Variants in IFT43 observed in about 807,000 individuals in gnomAD.
IFT43 encodes intraflagellar transport 43.
A neutral mutation model predicts 32.3 loss-of-function variants in IFT43; 33 were observed. That is an observed-to-expected ratio of 1.02 (90% CI 0.77 to 1.37). IFT43 has a LOEUF of 1.37. Ranked by LOEUF, IFT43 falls within the 40% of genes most tolerant of loss-of-function variation. IFT43 has a pLI of 0.00. For missense variants in IFT43, 274 were observed against 265.9 expected (o/e 1.03, Z -0.21); for synonymous variants, 93 against 98.2 (o/e 0.95, Z 0.31).
Position 76,059,383 on chromosome 14 carries a change from C to T in IFT43, c.295+10C>T, listed in dbSNP as rs1020479171. On this transcript the variant is annotated intron_variant, in intron 5 of 8. Coordinates refer to ENST00000314067, the MANE Select transcript of IFT43 (RefSeq NM_001102564.3). The stretch of plus-strand genomic sequence containing the variant: ...TCAGATTATGGAGGAGGTAAGAGGC[C>T]CTTGGAGGAAGTCAAAAGGTCTTCT... 1 of 1,613,340 alleles carries T rather than the reference C, an allele frequency of 6.2e-7. No homozygotes were observed. The highest frequency in any genetic ancestry group is 8.5e-7 in the Non-Finnish European group (1 of 1,179,648).
rs903650110 is a variant in IFT43 at position 76,059,298 on chromosome 14, G to T, written c.249-29G>T. The T allele has an allele frequency of 4.3e-6, 7 of 1,613,690 alleles. No homozygotes were observed. In the Admixed American group the frequency reaches 6.7e-5, roughly 15 times the overall value. On this transcript the variant is annotated intron_variant, in intron 4 of 8. Transcript: ENST00000314067. ...TTTCCGTGTTTGAAACTCATTTTTT[G>T]CTGTCCTTTTCTTCTTTTTTGGGGG...
chr14:76,022,526 A>T, intron 3 of IFT43, 132 bp downstream of exon 3: 1 of 625,430 alleles, frequency 1.6e-6, no homozygotes, highest in Non-Finnish European at 2.9e-6. Flanking sequence ...TCACCCACTT[A>T]AAATGCACAA....
chr14:75,995,130 C>T (rs2035719693), intron 2 of IFT43, among the ~76,000 whole-genome samples: 1 of 152,156 alleles, frequency 6.6e-6, no homozygotes. Context: ...AGTAGGTACT[C>T]TTATCATCAT....
At chr14:76,056,470 C>T (rs1229296885) in intron 3 of IFT43, among the ~76,000 whole-genome samples, 2 of 152,190 alleles carry the variant, frequency 1.3e-5, no homozygotes, top group Non-Finnish European at 2.9e-5. Context: ...TAATCAGCCT[C>T]CCCCGAAAGA....
intron 3 of IFT43, among the ~76,000 whole-genome samples, chr14:76,050,053 C>G (rs1385787567): frequency 6.6e-6 from 1 of 152,194 alleles, no homozygotes; most frequent in Non-Finnish European, 1.5e-5. Context: ...ACACCTCAGC[C>G]CCTGCATGCC....
At chr14:76,074,848 G>C (rs563486178) in intron 5 of IFT43, among the ~76,000 whole-genome samples, 2 of 152,298 alleles carry the variant, frequency 1.3e-5, no homozygotes, top group East Asian at 1.9e-4. Flanking sequence ...ACTGACCTCA[G>C]AAACCAAACT....
chr14:76,048,136 C>T (rs1283893556), intron 3 of IFT43, among the ~76,000 whole-genome samples: 1 of 152,228 alleles, frequency 6.6e-6, no homozygotes, highest in African/African-American at 2.4e-5. Flanking sequence ...TGCCCATTCT[C>T]AAACCTTGAG....
At chr14:76,040,838 C>G (rs1303499463) in intron 3 of IFT43, among the ~76,000 whole-genome samples, 1 of 152,210 alleles carries the variant, frequency 6.6e-6, no homozygotes, top group Non-Finnish European at 1.5e-5. Context: ...AGCACCCGAT[C>G]CCCTAGGGAG....
chr14:75,986,159 A>G (rs1276942757), intron 1 of IFT43: 1 of 1,350,676 alleles, frequency 7.4e-7, no homozygotes, highest in African/African-American at 1.5e-5. Flanking sequence ...GAACAGATCG[A>G]TCACAGGGTG....
At chr14:75,997,952 AAAAACAAAAC>A (rs542809856) in intron 2 of IFT43, among the ~76,000 whole-genome samples, 4 of 152,214 alleles carry the variant, frequency 2.6e-5, no homozygotes, top group African/African-American at 7.2e-5. Flanking sequence ...CTTAAGATAA[AAAAACAAAAC>A]AAAACAAAAC....
chr14:76,009,351 G>A (rs1294968149), intron 2 of IFT43, among the ~76,000 whole-genome samples: 1 of 152,188 alleles, frequency 6.6e-6, no homozygotes, highest in Non-Finnish European at 1.5e-5. Context: ...ATAAGATTCA[G>A]CAAATAATCC....
intron 5 of IFT43, among the ~76,000 whole-genome samples, chr14:76,062,067 T>G (rs2037144774): frequency 1.3e-5 from 2 of 152,068 alleles, no homozygotes; most frequent in Non-Finnish European, 2.9e-5. Flanking sequence ...AGTCATATTT[T>G]TCCGCTTCTT....
intron 2 of IFT43, among the ~76,000 whole-genome samples, chr14:75,996,002 A>G (rs974384872): frequency 1.3e-5 from 2 of 152,282 alleles, no homozygotes; most frequent in Non-Finnish European, 2.9e-5. Flanking sequence ...TTGGAAATCA[A>G]CATCTTGAGA....
chr14:75,986,768 T>C (rs980925477), intron 1 of IFT43, among the ~76,000 whole-genome samples: 1 of 152,220 alleles, frequency 6.6e-6, no homozygotes, highest in South Asian at 2.1e-4. Context: ...TACTAAAAGA[T>C]TGGGCCCCAG....
intron 2 of IFT43, among the ~76,000 whole-genome samples, chr14:75,994,147 A>G (rs1489261115): frequency 6.6e-6 from 1 of 150,594 alleles, no homozygotes; most frequent in African/African-American, 2.5e-5. Flanking sequence ...AAATTATTTT[A>G]GCTTAAAAAA....
At chr14:76,049,254 G>A (rs1054746535) in intron 3 of IFT43, among the ~76,000 whole-genome samples, 1 of 152,102 alleles carries the variant, frequency 6.6e-6, no homozygotes, top group African/African-American at 2.4e-5. Flanking sequence ...TTCGTGTCTA[G>A]TCCCAAAGTT....
intron 5 of IFT43, 144 bp downstream of exon 5, chr14:76,059,517 G>T: frequency 1.3e-6 from 1 of 778,504 alleles, no homozygotes. Flanking sequence ...ACATCTTCAT[G>T]CCTTGCTGAA....
At chr14:76,011,844 A>C (rs1420518765) in intron 2 of IFT43, among the ~76,000 whole-genome samples, 3 of 152,152 alleles carry the variant, frequency 2.0e-5, no homozygotes, top group Non-Finnish European at 4.4e-5. Flanking sequence ...AAACTGGGAG[A>C]GTTGGAACTG....
intron 3 of IFT43, among the ~76,000 whole-genome samples, chr14:76,022,928 G>T (rs1024027737): frequency 6.6e-6 from 1 of 152,186 alleles, no homozygotes; most frequent in Non-Finnish European, 1.5e-5. Flanking sequence ...CATTCATAAA[G>T]GGGAACAATA....
Sources: allele counts gnomAD v4.1 joint callset (sites outside exome capture counted in the v4.1 genomes callset), GRCh38; gene constraint gnomAD v4.1.1; transcripts MANE v1.5; gene names NCBI Gene and HGNC (gene_info 2026-07-23, HGNC 2026-07-21).